The following SYNE1 variants were observed in gnomAD, a reference collection of about 807,000 sequenced individuals.
SYNE1 encodes spectrin repeat containing nuclear envelope protein 1, also known as nesprin-1.
A neutral mutation model predicts 1,111.0 loss-of-function variants in SYNE1; 616 were observed. The ratio of observed to expected loss-of-function variants is 0.55; its 90% confidence interval spans 0.52 to 0.59. The LOEUF is 0.59. Ranked by LOEUF, SYNE1 falls within the 20% of genes least tolerant of loss-of-function variation. The pLI is 0.00. For synonymous variants in SYNE1, 3,855 were observed against 3,825.8 expected, an observed-to-expected ratio of 1.01 and a Z score of -0.28; for missense variants, 10,006 against 10,417.0, an observed-to-expected ratio of 0.96 and a Z score of 1.72.
intron 127 of SYNE1, among the ~76,000 whole-genome samples, chr6:152,198,463 C>T (rs1254151930): frequency 2.0e-5 from 3 of 152,174 alleles, no homozygotes; most frequent in Non-Finnish European, 2.9e-5. Context: ...TTTTAATTTC[C>T]TTTCAGAACT....
At chr6:152,127,678 C>A (rs11757692) in intron 145 of SYNE1, 24,179 of 151,936 alleles carry the variant, frequency 0.16, 1,957 homozygotes, top group Non-Finnish European at 0.18. Context: ...CCTTGGGGCA[C>A]GGGTGAGCAA....
rs1212450784 is a variant in SYNE1 at position 152,302,296 on chromosome 6, AC to A, written c.17347-234del. 9 of 608,168 alleles carry A rather than the reference AC, an allele frequency of 1.5e-5. No homozygotes were observed. The East Asian group carries it at 2.5e-4, about 17-fold the overall frequency. The allele number at this position is 608,168 out of a possible 1,614,324, so 37.7% of individuals were successfully genotyped here. On this transcript the variant is annotated intron_variant, in intron 91 of 145. Coordinates refer to ENST00000367255, the MANE Select transcript of SYNE1 (RefSeq NM_182961.4). ...CCCGAGCCCGCGTCCCCGCGTCGGT[AC>A]AAAAGGAGAAATGAGGGGATGAGGC...
chr6:152,208,275 G>T, intron 124 of SYNE1, 69 bp from the exon 125 acceptor site: 1 of 1,380,232 alleles, frequency 7.2e-7, no homozygotes, highest in Non-Finnish European at 1.0e-6. Context: ...ATCAGCCAAT[G>T]TATACACTGT....
chr6:152,206,405 A>G, intron 125 of SYNE1, 43 bp from the exon 126 acceptor site: 1 of 1,608,330 alleles, frequency 6.2e-7, no homozygotes, highest in Non-Finnish European at 8.5e-7. Flanking sequence ...TCTTTCTTTC[A>G]TCGTTTCCTT....
In SYNE1 at chr6:152,330,046, T is replaced by C; in HGVS notation, c.14639A>G (p.Glu4880Gly). The change falls in exon 78 of 146, where the codon GAG (glutamate) becomes GGG (glycine). Residue 4880 changes from glutamate (E) to glycine (G), a missense_variant. Around this residue, in one of 7 missense-constraint regions of SYNE1, gnomAD observed 4,955 missense variants for 5,017.2 expected, o/e 0.99. Coordinates refer to ENST00000367255, the MANE Select transcript of SYNE1 (RefSeq NM_182961.4). ...GTCTATACTCTGCACCATTCGGCTC[T>C]CACATTCTGTCACCGTCTCACCAAT... is the stretch of plus-strand genomic sequence containing the variant. ...SAIGETVTECESRMVQSIDFQ... is the reference protein window; with the variant it reads ...SAIGETVTECGSRMVQSIDFQ... The C allele has an allele frequency of 6.2e-7, 1 of 1,614,176 alleles. No individual in the cohort carries two copies. The highest frequency in any genetic ancestry group is 8.5e-7 in the Non-Finnish European group (1 of 1,180,030).
At chr6:152,369,981 T>TAAA (rs1357261000) in intron 59 of SYNE1, among the ~76,000 whole-genome samples, 1 of 5,868 alleles carries the variant, frequency 1.7e-4, no homozygotes, top group African/African-American at 8.3e-4. Flanking sequence ...TGACTCTGTC[T>TAAA]CAAAAAAAAA....
intron 140 of SYNE1, among the ~76,000 whole-genome samples, chr6:152,138,395 C>T (rs2057582397): frequency 6.6e-6 from 1 of 151,950 alleles, no homozygotes; most frequent in South Asian, 2.1e-4. Context: ...CCTGTAGTCC[C>T]AGCTACTCAG....
intron 87 of SYNE1, chr6:152,311,156 C>T (rs996680765): frequency 6.4e-6 from 3 of 469,182 alleles, no homozygotes; most frequent in Non-Finnish European, 1.2e-5. Flanking sequence ...AAGCTGCCCC[C>T]TCGTGAGAAC....
intron 14 of SYNE1, among the ~76,000 whole-genome samples, chr6:152,482,051 G>C (rs758211033): frequency 6.6e-6 from 1 of 152,036 alleles, no homozygotes; most frequent in Non-Finnish European, 1.5e-5. Flanking sequence ...ATCAGAAAAG[G>C]CCAAGAGGAA....
At chr6:152,584,211 C>T (rs1168346868) in intron 3 of SYNE1, among the ~76,000 whole-genome samples, 3 of 152,082 alleles carry the variant, frequency 2.0e-5, no homozygotes, top group Non-Finnish European at 4.4e-5. Context: ...ATGTCATATA[C>T]ACTTGCAGTA....
At position 152,577,546 on chromosome 6, in the gene SYNE1, T is replaced by C. The variant is rs367732791; in HGVS notation, c.68-37525A>G. On this transcript the variant is annotated intron_variant, in intron 3 of 145. Transcript: ENST00000367255. ...TACTCGGGAGGCTGAGGCAGGAGAA[T>C]GGCGTGACCCCGGGAGGCGGAGCTT... Among the ~76,000 whole-genome samples the C allele has an allele frequency of 2.8e-3, 419 of 152,112 alleles. 2 individuals carry two copies. The highest frequency in any genetic ancestry group is 9.3e-3 in the African/African-American group (384 of 41,502).
intron 86 of SYNE1, 107 bp downstream of exon 86, chr6:152,317,974 T>C (rs1467467546): frequency 6.2e-6 from 9 of 1,442,520 alleles, no homozygotes; most frequent in Non-Finnish European, 8.7e-6. Context: ...TACTCTCTCA[T>C]TGTCCATTTT....
intron 4 of SYNE1, among the ~76,000 whole-genome samples, chr6:152,527,576 T>C (rs1249269697): frequency 1.3e-5 from 2 of 152,214 alleles, no homozygotes; most frequent in African/African-American, 4.8e-5. Flanking sequence ...ATTAGCCATA[T>C]ACGGTCATTA....
intron 39 of SYNE1, among the ~76,000 whole-genome samples, chr6:152,423,386 AT>A (rs2098298510): frequency 6.6e-6 from 1 of 152,084 alleles, no homozygotes; most frequent in African/African-American, 2.4e-5. Context: ...CATGTCAGTG[AT>A]TTTCTAACCT....
intron 38 of SYNE1, among the ~76,000 whole-genome samples, chr6:152,426,194 A>C (rs1232636707): frequency 1.3e-5 from 2 of 152,268 alleles, no homozygotes; most frequent in South Asian, 4.1e-4. Context: ...TAGATAGGTA[A>C]TAATAATAAA....
At chr6:152,132,967 T>C (rs774573237) in intron 143 of SYNE1, among the ~76,000 whole-genome samples, 1 of 152,060 alleles carries the variant, frequency 6.6e-6, no homozygotes, top group Non-Finnish European at 1.5e-5. Context: ...TGCTCTACCA[T>C]GGCTGTGTAA....
intron 10 of SYNE1, among the ~76,000 whole-genome samples, chr6:152,500,624 T>G (rs2099024311): frequency 2.0e-5 from 3 of 152,152 alleles, no homozygotes; most frequent in Non-Finnish European, 4.4e-5. Flanking sequence ...CCTTAGCCTT[T>G]TTCTTCTTTA....
chr6:152,595,754 A>G (rs942307511), intron 3 of SYNE1, among the ~76,000 whole-genome samples: 4 of 152,178 alleles, frequency 2.6e-5, no homozygotes, highest in African/African-American at 9.7e-5. Context: ...TTACAGCAGC[A>G]GCCAATCTAG....
chr6:152,553,345 C>T (rs183060191), intron 3 of SYNE1, among the ~76,000 whole-genome samples: 294 of 152,246 alleles, frequency 1.9e-3, no homozygotes, highest in African/African-American at 6.7e-3. Context: ...GCAATGTAGA[C>T]GCAATTCCCA....
Sources: gnomAD v4.1 joint callset for allele counts (sites outside exome capture counted in the v4.1 genomes callset) on GRCh38, gnomAD v4.1.1 for gene constraint, gnomAD v4.1.1 regional missense constraint, MANE v1.5 for transcripts, NCBI Gene and HGNC (gene_info 2026-07-23, HGNC 2026-07-21) for gene names.